CD28: variants seen among roughly 807,000 people sequenced by gnomAD.
CD28 encodes CD28 molecule.
In CD28, 8 loss-of-function variants were observed where a neutral mutation model predicts 21.4. The observed-to-expected ratio is 0.37, with a 90% CI of 0.22 to 0.68. The LOEUF (loss-of-function observed/expected upper bound fraction) is 0.68. Ranked by LOEUF, CD28 falls within the 30% of genes least tolerant of loss-of-function variation. The pLI, the probability that CD28 is intolerant of heterozygous loss-of-function variation, is 0.55. For synonymous variants in CD28, 106 were observed against 104.0 expected, an observed-to-expected ratio of 1.02 and a Z score of -0.12; for missense variants, 239 against 272.2, an observed-to-expected ratio of 0.88 and a Z score of 0.86.
At chr2:203,727,173 G>T (rs1693773950) in intron 2 of CD28, among the ~76,000 whole-genome samples, 184 bp downstream of exon 2, 1 of 152,140 alleles carries the variant, frequency 6.6e-6, no homozygotes, top group Non-Finnish European at 1.5e-5. Flanking sequence ...GTTATATTTT[G>T]AATATCTTTA....
intron 1 of CD28, among the ~76,000 whole-genome samples, chr2:203,712,231 GTAT>G (rs1359196430): frequency 6.6e-6 from 1 of 151,992 alleles, no homozygotes; most frequent in Non-Finnish European, 1.5e-5. Flanking sequence ...CAGTACACAA[GTAT>G]TGTGTAGTAC....
intron 1 of CD28, among the ~76,000 whole-genome samples, chr2:203,717,699 A>G (rs1047352655): frequency 6.6e-6 from 1 of 152,216 alleles, no homozygotes; most frequent in African/African-American, 2.4e-5. Context: ...TGCAGAATCT[A>G]TGGATACAGA....
intron 1 of CD28, among the ~76,000 whole-genome samples, chr2:203,719,264 C>T (rs1693545050): frequency 6.6e-6 from 1 of 152,178 alleles, no homozygotes. Context: ...CCCCAATAGC[C>T]TCTTCTTTAA....
intron 2 of CD28, 31 bp downstream of exon 2, chr2:203,727,020 T>C (rs1693770474): frequency 3.0e-6 from 4 of 1,347,546 alleles, no homozygotes; most frequent in Non-Finnish European, 3.2e-6. Context: ...TGTACCACCC[T>C]AAAGTAATGG....
intron 1 of CD28, among the ~76,000 whole-genome samples, chr2:203,721,115 C>A (rs1693593544): frequency 6.6e-6 from 1 of 152,160 alleles, no homozygotes; most frequent in Non-Finnish European, 1.5e-5. Flanking sequence ...CATGTTAACA[C>A]ATAGTAAGCA....
chr2:203,707,190 T>C (rs1010027374), intron 1 of CD28, among the ~76,000 whole-genome samples: 1 of 151,954 alleles, frequency 6.6e-6, no homozygotes, highest in Non-Finnish European at 1.5e-5. Context: ...TTCTTTTTTT[T>C]TTTAATTTAA....
rs767908312 is a variant in CD28 at position 203,735,047 on chromosome 2, G to T, written c.*135G>T. The T allele has an allele frequency of 1.0e-5, 10 of 961,260 alleles. No homozygotes were observed. The highest frequency in any genetic ancestry group is 3.2e-5 in the South Asian group (2 of 61,550). The allele number at this position is 961,260 out of a possible 1,614,324, so 59.5% of individuals were successfully genotyped here. The stretch of plus-strand genomic sequence containing the variant: ...TGGGCCACCAATGCCAATTTTTCTC[G>T]AGTGACTAGACCAAATATCAAGATC... On this transcript the variant is annotated 3_prime_UTR_variant, in exon 4 of 4. Coordinates refer to ENST00000324106, the MANE Select transcript of CD28 (RefSeq NM_006139.4).
chr2:203,719,519 G>A (rs865826542), intron 1 of CD28, among the ~76,000 whole-genome samples: 22 of 152,118 alleles, frequency 1.4e-4, no homozygotes, highest in African/African-American at 5.3e-4. Context: ...CAATTGTGTT[G>A]AAATTTTGAT....
At chr2:203,712,645 TACTC>T (rs753461751) in intron 1 of CD28, among the ~76,000 whole-genome samples, 23 of 152,240 alleles carry the variant, frequency 1.5e-4, no homozygotes, top group Non-Finnish European at 2.8e-4. Flanking sequence ...AGCATATAGT[TACTC>T]AATAAATATT....
At chr2:203,713,642 G>A (rs1693376391) in intron 1 of CD28, among the ~76,000 whole-genome samples, 1 of 152,094 alleles carries the variant, frequency 6.6e-6, no homozygotes, top group Non-Finnish European at 1.5e-5. Context: ...GACTTCACAG[G>A]ATTAAGAAAA....
chr2:203,726,199 A>G (rs1052739870), intron 1 of CD28, among the ~76,000 whole-genome samples: 1 of 152,216 alleles, frequency 6.6e-6, no homozygotes, highest in Non-Finnish European at 1.5e-5. Flanking sequence ...CAACAGAGCA[A>G]GACTCTGTCT....
In CD28 at chr2:203,737,059, C is replaced by T. The variant is rs999134324; in HGVS notation, c.*2147C>T. On this transcript the variant is annotated 3_prime_UTR_variant, in exon 4 of 4. Coordinates refer to ENST00000324106, the MANE Select transcript of CD28 (RefSeq NM_006139.4). ...AGGACCTTTTAACTTCCATCATTTT[C>T]CTGTTTCTTGAAATAGTTTATCTTG... The T allele has an allele frequency of 2.6e-5, 4 of 152,114 alleles. No homozygotes were observed. The highest frequency in any genetic ancestry group is 9.7e-5 in the African/African-American group (4 of 41,420). The allele number at this position is 152,114 out of a possible 1,614,324, so 9.4% of individuals were successfully genotyped here.
chr2:203,718,457 A>G lies in CD28; in HGVS notation c.53-8176A>G, dbSNP rs566102770. On this transcript the variant is annotated intron_variant, in intron 1 of 3. Coordinates refer to ENST00000324106, the MANE Select transcript of CD28 (RefSeq NM_006139.4). ...TTCACAGTGTGCTCACAAATATCAC[A>G]GGGCAAAATGGCTGAAAGTAGAAGC... Among the ~76,000 whole-genome samples, 4 of 152,332 alleles carry G rather than the reference A, an allele frequency of 2.6e-5. No homozygotes were observed. In the East Asian group the frequency reaches 7.7e-4, roughly 29 times the overall value.
In CD28 at chr2:203,706,961, A is replaced by T. The variant is rs185254419; in HGVS notation, c.52+213A>T. Among the ~76,000 whole-genome samples, 87 of 152,170 alleles carry T rather than the reference A, an allele frequency of 5.7e-4. 2 individuals carry two copies. The East Asian group carries it at 7.0e-3, about 12-fold the overall frequency. Reference sequence around the variant, plus strand: ...CCCTTGGAAATAAATTTTCTAAGCTATTAGTTTCTCTAGCTATTAGTTGAT... The same window carrying T: ...CCCTTGGAAATAAATTTTCTAAGCTTTTAGTTTCTCTAGCTATTAGTTGAT... On this transcript the variant is annotated intron_variant, in intron 1 of 3. Coordinates refer to ENST00000324106, the MANE Select transcript of CD28 (RefSeq NM_006139.4).
chr2:203,723,525 CCAATAATT>C (rs1168704072), intron 1 of CD28, among the ~76,000 whole-genome samples: 1 of 151,624 alleles, frequency 6.6e-6, no homozygotes, highest in Non-Finnish European at 1.5e-5. Flanking sequence ...ATACAGAACT[CCAATAATT>C]CAATAATAAA....
chr2:203,710,637 T>G, intron 1 of CD28, among the ~76,000 whole-genome samples: 1 of 152,252 alleles, frequency 6.6e-6, no homozygotes, highest in East Asian at 1.9e-4. Flanking sequence ...AAGTATTTCC[T>G]GCAAGCAGTG....
At chr2:203,729,531 C>T (rs199695596) in intron 2 of CD28, 117 bp from the exon 3 acceptor site, 2 of 1,068,822 alleles carry the variant, frequency 1.9e-6, no homozygotes, top group East Asian at 4.9e-5. Context: ...TCACTCTAAG[C>T]TGGTGATATG....
At chr2:203,725,295 A>G (rs1399214075) in intron 1 of CD28, among the ~76,000 whole-genome samples, 2 of 9,186 alleles carry the variant, frequency 2.2e-4, no homozygotes, top group East Asian at 0.071. Context: ...CGTCTCCAGA[A>G]AAAAAAAAAA....
At chr2:203,732,522 A>T (rs1693921304) in intron 3 of CD28, among the ~76,000 whole-genome samples, 1 of 152,198 alleles carries the variant, frequency 6.6e-6, no homozygotes, top group Admixed American at 6.5e-5. Flanking sequence ...ATAATCCAGT[A>T]GATTCTTGAA....
Sources: gnomAD v4.1 joint callset for allele counts (sites outside exome capture counted in the v4.1 genomes callset) on GRCh38, gnomAD v4.1.1 for gene constraint, MANE v1.5 for transcripts, NCBI Gene and HGNC (gene_info 2026-07-23, HGNC 2026-07-21) for gene names.